Variants in NTNG2 observed in about 807,000 individuals in gnomAD.
The protein encoded by NTNG2 is netrin G2.
Under a neutral mutation model 47.6 loss-of-function variants are expected in NTNG2, and 15 were observed. The ratio of observed to expected loss-of-function variants is 0.32; its 90% CI spans 0.21 to 0.49. The LOEUF is 0.49. Among genes scored for constraint, NTNG2 ranks in the 20% least tolerant of loss-of-function variants. The pLI, the probability that NTNG2 is intolerant of heterozygous loss-of-function variation, is 0.99. For synonymous variants in NTNG2, 307 were observed against 324.6 expected, an observed-to-expected ratio of 0.95 and a Z score of 0.58; for missense variants, 578 against 764.6, an observed-to-expected ratio of 0.76 and a Z score of 2.88.
At chr9:132,214,757 C>T (rs1170463911) in intron 3 of NTNG2, among the ~76,000 whole-genome samples, 1 of 152,136 alleles carries the variant, frequency 6.6e-6, no homozygotes, top group Non-Finnish European at 1.5e-5. Flanking sequence ...CCAGTTAAAC[C>T]TGAATTTCAG....
At chr9:132,188,159 C>T (rs1309127510) in intron 2 of NTNG2, among the ~76,000 whole-genome samples, 6 of 152,242 alleles carry the variant, frequency 3.9e-5, no homozygotes, top group Non-Finnish European at 8.8e-5. Context: ...GATTGCTTCC[C>T]CCGTGCTCGA....
chr9:132,178,319 G>A (rs1252441536), intron 2 of NTNG2, among the ~76,000 whole-genome samples: 1 of 152,090 alleles, frequency 6.6e-6, no homozygotes, highest in Non-Finnish European at 1.5e-5. Context: ...TCAGCCTCCA[G>A]TCCACCTCCG....
chr9:132,225,015 G>A (rs984225439), intron 3 of NTNG2, among the ~76,000 whole-genome samples: 3 of 150,174 alleles, frequency 2.0e-5, no homozygotes, highest in Admixed American at 1.3e-4. Context: ...TGCCTCCTGG[G>A]TTCAAGCGAT....
chr9:132,206,141 A>G (rs1225792386), intron 3 of NTNG2, among the ~76,000 whole-genome samples: 1 of 152,196 alleles, frequency 6.6e-6, no homozygotes, highest in African/African-American at 2.4e-5. Context: ...AAAGAACAGC[A>G]GATCACAGAG....
rs769075099 is a variant in NTNG2, at chr9:132,198,399, G to A, written c.647G>A (p.Arg216Gln). Residue 216 changes from arginine to glutamine, a missense_variant, in exon 3 of 8, where the codon CGG (arginine) becomes CAG (glutamine). Physicochemically the swap from Arg to Gln is conservative, Grantham distance 43. Coordinates refer to ENST00000393229, the MANE Select transcript of NTNG2 (RefSeq NM_032536.4). ...GAGAAGCACGTGCGCTTCGAGGTGC[G>A]GGACCGCTTCGCCATCTTTGCCGGC... ...KKEKHVRFEV[R>Q]DRFAIFAGPD... The A allele has an allele frequency of 6.8e-6, 11 of 1,613,036 alleles. No individual in the cohort carries two copies. The South Asian group carries it at 9.9e-5, about 14-fold the overall frequency.
chr9:132,239,296 G>T, intron 6 of NTNG2, 25 bp downstream of exon 6: 1 of 1,612,748 alleles, frequency 6.2e-7, no homozygotes, highest in South Asian at 1.1e-5. Flanking sequence ...ACACGGCACA[G>T]GGAACTTGCT....
At position 132,180,970 on chromosome 9, in the gene NTNG2, G is replaced by A. The variant is rs1253773391; in HGVS notation, c.213+13926G>A. Reference sequence around the variant, plus strand: ...TTCCCAGATTTCTCTGAGTCCATCCGTGGTCACTTTCGGTCAATCATCTGG... The same window carrying A: ...TTCCCAGATTTCTCTGAGTCCATCCATGGTCACTTTCGGTCAATCATCTGG... On this transcript the variant is annotated intron_variant, in intron 2 of 7. Coordinates refer to ENST00000393229, the MANE Select transcript of NTNG2 (RefSeq NM_032536.4). The surrounding 1 kb of genome is among the most constrained non-coding windows in gnomAD (Gnocchi z 4.2). Among the ~76,000 whole-genome samples the A allele has an allele frequency of 6.6e-6, 1 of 152,242 alleles. No homozygotes were observed. Among genetic ancestry groups the A allele is most frequent in the Non-Finnish European group, 1.5e-5 (1 of 68,048 alleles).
chr9:132,172,441 A>C (rs913507468), intron 2 of NTNG2, among the ~76,000 whole-genome samples: 7 of 152,192 alleles, frequency 4.6e-5, no homozygotes, highest in Non-Finnish European at 8.8e-5. Flanking sequence ...GGAGCTATTA[A>C]TAGAACGTGC....
chr9:132,171,850 C>G (rs1382724891), intron 2 of NTNG2, among the ~76,000 whole-genome samples: 3 of 152,226 alleles, frequency 2.0e-5, no homozygotes, highest in Non-Finnish European at 2.9e-5. Context: ...TGGCCTCCTT[C>G]CCCCTCTGTG....
At chr9:132,172,093 C>T (rs1236661754) in intron 2 of NTNG2, among the ~76,000 whole-genome samples, 1 of 152,196 alleles carries the variant, frequency 6.6e-6, no homozygotes, top group African/African-American at 2.4e-5. Flanking sequence ...AGGGCGTGCC[C>T]CTCCCCATGA....
At position 132,215,086 on chromosome 9, in the gene NTNG2, G is replaced by C. The variant is rs36005260; in HGVS notation, c.858-11763G>C. On this transcript the variant is annotated intron_variant, in intron 3 of 7. Coordinates refer to ENST00000393229, the MANE Select transcript of NTNG2 (RefSeq NM_032536.4). This position sits in a 1 kb window ranked among gnomAD's most constrained non-coding sequence, Gnocchi z 4.2. ...ATTTTTTTGTAGAGATTGGGGGGGG[G>C]GGTCTCACTTTCTTGCCCAGGCTGG... Among the ~76,000 whole-genome samples, 3 of 148,722 alleles carry C rather than the reference G, an allele frequency of 2.0e-5. No homozygotes were observed. The highest frequency in any genetic ancestry group is 6.7e-5 in the Admixed American group (1 of 14,896).
chr9:132,229,205 A>G lies in NTNG2; in HGVS notation c.1031-1367A>G, dbSNP rs553207038. Among the ~76,000 whole-genome samples, 16 of 152,080 alleles carry G rather than the reference A, an allele frequency of 1.1e-4. No individual in the cohort carries two copies. The South Asian group carries it at 3.3e-3, about 32-fold the overall frequency. On this transcript the variant is annotated intron_variant, in intron 4 of 7. Coordinates refer to ENST00000393229, the MANE Select transcript of NTNG2 (RefSeq NM_032536.4). ...GAGGCGCTGCTGTCCTCAGCACCCA[A>G]GTCTCCTGCCTTCTCTGGGGTGCCA...
At position 132,197,274 on chromosome 9, in the gene NTNG2, A is replaced by G. The variant is rs1838383654; in HGVS notation, c.214-692A>G. 6.6e-6 allele frequency among the ~76,000 whole-genome samples: 1 copy of G among 152,194 alleles called. No individual in the cohort carries two copies. Among genetic ancestry groups the G allele is most frequent in the African/African-American group, 2.4e-5 (1 of 41,432 alleles). On this transcript the variant is annotated intron_variant, in intron 2 of 7. Transcript: ENST00000393229. The surrounding 1 kb of genome is among the most constrained non-coding windows in gnomAD (Gnocchi z 4.3). ...CGTGGTGGTGCATGCCTGTAATCCC[A>G]GCTACTTGGGAGGCTGAGGCAGGAG...
In NTNG2 at chr9:132,218,806, T is replaced by TAGGTTTATAAAAATAGGAAAACAAATC. The variant is rs1840164128; in HGVS notation, c.858-8042_858-8016dup. Reference sequence around the variant, plus strand: ...GCCAACGCGCCCGGCCCCAATGTGATAGGTTTATAAAAATAGGAAAACAAA... The same window carrying TAGGTTTATAAAAATAGGAAAACAAATC: ...GCCAACGCGCCCGGCCCCAATGTGATAGGTTTATAAAAATAGGAAAACAAATCAGGTTTATAAAAATAGGAAAACAAA... On this transcript the variant is annotated intron_variant, in intron 3 of 7. Coordinates refer to ENST00000393229, the MANE Select transcript of NTNG2 (RefSeq NM_032536.4). This position sits in a 1 kb window ranked among gnomAD's most constrained non-coding sequence, Gnocchi z 5.4. 2.6e-5 allele frequency among the ~76,000 whole-genome samples: 4 copies of TAGGTTTATAAAAATAGGAAAACAAATC among 152,138 alleles called. No homozygotes were observed. Among genetic ancestry groups the TAGGTTTATAAAAATAGGAAAACAAATC allele is most frequent in the South Asian group, 2.1e-4 (1 of 4,820 alleles).
chr9:132,169,911 C>T (rs1402254440), intron 2 of NTNG2, among the ~76,000 whole-genome samples: 1 of 152,202 alleles, frequency 6.6e-6, no homozygotes, highest in African/African-American at 2.4e-5. Context: ...TCTCTGGCAG[C>T]ATGTGGAAGA....
intron 3 of NTNG2, among the ~76,000 whole-genome samples, chr9:132,202,828 G>A (rs970045964): frequency 6.6e-6 from 1 of 152,222 alleles, no homozygotes; most frequent in Admixed American, 6.5e-5. Context: ...AGAAGGCTGT[G>A]TCTTTGCAAA....
At chr9:132,209,416 C>T (rs1261779713) in intron 3 of NTNG2, among the ~76,000 whole-genome samples, 2 of 152,208 alleles carry the variant, frequency 1.3e-5, no homozygotes, top group African/African-American at 2.4e-5. Flanking sequence ...GTGACGATGA[C>T]GCCCGCCGTG....
chr9:132,200,699 G>A (rs1303935247), intron 3 of NTNG2, among the ~76,000 whole-genome samples: 39 of 152,220 alleles, frequency 2.6e-4, no homozygotes, highest in Admixed American at 2.5e-3. Context: ...CGTTCATGAA[G>A]CTGGAGTCAG....
chr9:132,185,017 C>T (rs1837248082), intron 2 of NTNG2, among the ~76,000 whole-genome samples: 1 of 151,830 alleles, frequency 6.6e-6, no homozygotes, highest in Non-Finnish European at 1.5e-5. Flanking sequence ...GGCGCTGGGG[C>T]TCTGAGGAGG....
Sources: allele counts gnomAD v4.1 joint callset (sites outside exome capture counted in the v4.1 genomes callset), GRCh38; gene constraint gnomAD v4.1.1; non-coding constraint Gnocchi (gnomAD v3.1); transcripts MANE v1.5; gene names NCBI Gene and HGNC (gene_info 2026-07-23, HGNC 2026-07-21).